The following NCF2 variants were observed in gnomAD, a reference collection of about 807,000 sequenced individuals.
NCF2 encodes the protein neutrophil cytosol factor 2.
NCF2 carries 45 observed loss-of-function variants against 70.9 expected under a neutral mutation model. The ratio of observed to expected loss-of-function variants is 0.63; its 90% CI spans 0.50 to 0.81. The LOEUF (loss-of-function observed/expected upper bound fraction) is 0.81, where lower values mean the gene tolerates loss of function less well. NCF2 is among the 40% of genes least tolerant of loss of function. The pLI is 0.00. For synonymous variants in NCF2, 203 were observed against 233.6 expected (o/e 0.87, Z 1.19); for missense variants, 522 against 631.6 (o/e 0.83, Z 1.86).
chr1:183,574,091 A>G (rs1287406095), intron 4 of NCF2, among the ~76,000 whole-genome samples: 1 of 152,260 alleles, frequency 6.6e-6, no homozygotes, highest in African/African-American at 2.4e-5. Flanking sequence ...CTCCATCTCA[A>G]AACAAAACAA....
intron 6 of NCF2, among the ~76,000 whole-genome samples, chr1:183,570,196 T>A (rs965126605): frequency 2.6e-5 from 4 of 152,218 alleles, no homozygotes; most frequent in African/African-American, 9.7e-5. Context: ...TAATGTGTTT[T>A]CCCCTCTTTC....
At chr1:183,559,622 G>T (rs1671949031) in intron 14 of NCF2, among the ~76,000 whole-genome samples, 1 of 152,176 alleles carries the variant, frequency 6.6e-6, no homozygotes, top group African/African-American at 2.4e-5. Context: ...ACTTTAGGAG[G>T]CCGAGGCAGT....
chr1:183,590,122 C>G (rs775879761), intron 1 of NCF2, 34 bp downstream of exon 1: 1 of 1,613,490 alleles, frequency 6.2e-7, no homozygotes, highest in Non-Finnish European at 8.5e-7. Context: ...AACAAATGCA[C>G]AGAGGAGGCC....
intron 2 of NCF2, among the ~76,000 whole-genome samples, chr1:183,581,206 C>T (rs1345742156): frequency 7.0e-6 from 1 of 143,192 alleles, no homozygotes; most frequent in Non-Finnish European, 1.5e-5. Context: ...CACCTGAGCC[C>T]AGGAAGTCAA....
chr1:183,572,373 G>A (rs1166439849), intron 5 of NCF2, among the ~76,000 whole-genome samples: 3 of 152,046 alleles, frequency 2.0e-5, no homozygotes, highest in Non-Finnish European at 2.9e-5. Flanking sequence ...TAGTAGAGAT[G>A]GGGTTTCACC....
chr1:183,599,444 T>TTCTTTCTTTCTTTCTTTCTTTC, the NCF2 span, among the ~76,000 whole-genome samples: 1 of 103,660 alleles, frequency 9.6e-6, no homozygotes, highest in African/African-American at 3.3e-5. Context: ...CTTTCTTTCT[T>TTCTTTCTTTCTTTCTTTCTTTC]TCTTTCTTTC....
chr1:183,573,426 C>A, intron 4 of NCF2, 134 bp from the exon 5 acceptor site: 2 of 869,438 alleles, frequency 2.3e-6, no homozygotes, highest in Admixed American at 1.9e-5. Flanking sequence ...TGAGTGTTGT[C>A]ATTCCTCTAG....
At chr1:183,574,713 C>T (rs1389017942) in intron 3 of NCF2, 92 bp from the exon 4 acceptor site, 6 of 1,488,702 alleles carry the variant, frequency 4.0e-6, no homozygotes, top group Non-Finnish European at 5.6e-6. Flanking sequence ...AGAATGTTGC[C>T]TGGTAGCCTT....
upstream of NCF2, among the ~76,000 whole-genome samples, chr1:183,592,910 C>T (rs1484931503): frequency 6.6e-6 from 1 of 152,132 alleles, no homozygotes; most frequent in Non-Finnish European, 1.5e-5. Context: ...CGTGCTAGTT[C>T]CTCTTTCTAG....
chr1:183,558,630 A>G (rs1671901578), intron 14 of NCF2, among the ~76,000 whole-genome samples: 1 of 151,686 alleles, frequency 6.6e-6, no homozygotes, highest in South Asian at 2.1e-4. Context: ...CAGTGGTGCA[A>G]TCTCGGCTCA....
chr1:183,561,300 G>A (rs762215620), intron 13 of NCF2, among the ~76,000 whole-genome samples: 1 of 152,136 alleles, frequency 6.6e-6, no homozygotes, highest in Non-Finnish European at 1.5e-5. Flanking sequence ...TTTGTTGAAC[G>A]TTGGTATATT....
At chr1:183,574,758 A>C in intron 3 of NCF2, 137 bp from the exon 4 acceptor site, 1 of 1,031,582 alleles carries the variant, frequency 9.7e-7, no homozygotes, top group Non-Finnish European at 1.5e-6. Flanking sequence ...AATATCTAAA[A>C]TATAGTGCAA....
At chr1:183,565,680 GGCT>G in intron 10 of NCF2, 21 bp downstream of exon 10, 3 of 1,609,254 alleles carry the variant, frequency 1.9e-6, no homozygotes, top group Non-Finnish European at 2.5e-6. Flanking sequence ...CCCAGACCTA[GGCT>G]GTGGCTCCAG....
chr1:183,588,219 C>T (rs1040338011), intron 1 of NCF2, among the ~76,000 whole-genome samples: 3 of 152,140 alleles, frequency 2.0e-5, no homozygotes, highest in African/African-American at 7.2e-5. Flanking sequence ...TCCTATCCAA[C>T]ACAACAGAGC....
At chr1:183,585,624 C>A (rs77340998) in intron 2 of NCF2, among the ~76,000 whole-genome samples, 29 of 114,574 alleles carry the variant, frequency 2.5e-4, no homozygotes, top group South Asian at 7.5e-4. Flanking sequence ...AACTCCGTCT[C>A]AAAAAAAAAA....
chr1:183,586,152 T>A (rs1230391076), intron 2 of NCF2, among the ~76,000 whole-genome samples: 1 of 152,134 alleles, frequency 6.6e-6, no homozygotes, highest in Non-Finnish European at 1.5e-5. Flanking sequence ...CTGACCAACA[T>A]GGAGAAACCC....
intron 14 of NCF2, among the ~76,000 whole-genome samples, chr1:183,557,363 G>C (rs902927535): frequency 2.6e-5 from 4 of 152,184 alleles, no homozygotes; most frequent in Non-Finnish European, 4.4e-5. Context: ...AGTTCCCTTA[G>C]GTAATTCTAA....
At position 183,556,030 on chromosome 1, in the gene NCF2, T is replaced by A; in HGVS notation, c.*88A>T. 1 of 1,058,852 alleles carries A rather than the reference T, an allele frequency of 9.4e-7. No homozygotes were observed. Among genetic ancestry groups the A allele is most frequent in the Non-Finnish European group, 1.5e-6 (1 of 678,138 alleles). 65.6% of individuals were successfully genotyped at this position (1,058,852 alleles called of 1,614,324 possible). A position where few individuals can be genotyped will look rare whatever the true frequency, so the allele number is the denominator to read the frequency against. On this transcript the variant is annotated 3_prime_UTR_variant, in exon 15 of 15. Transcript: ENST00000367535. Reference sequence around the variant, plus strand: ...GTTAACACTTCCAAACTGTAATGTCTCAGTACAGTATACAGCAGAAGGGTG... The same window carrying A: ...GTTAACACTTCCAAACTGTAATGTCACAGTACAGTATACAGCAGAAGGGTG...
rs1381794106 is a variant in NCF2 at position 183,564,043 on chromosome 1, A to AG, written c.1001-14dup. On this transcript the variant is annotated splice_polypyrimidine_tract_variant and intron_variant, in intron 10 of 14. Coordinates refer to ENST00000367535, the MANE Select transcript of NCF2 (RefSeq NM_000433.4). Reference sequence around the variant, plus strand: ...TTTTGTTTCTGGCCTGAATGGAAAAAGTAGGGAGTAAAACAAAAGAAGATG... The same window carrying AG: ...TTTTGTTTCTGGCCTGAATGGAAAAAGGTAGGGAGTAAAACAAAAGAAGATG... 1.9e-6 allele frequency: 3 copies of AG among 1,608,600 alleles called. No homozygotes were observed. The highest frequency in any genetic ancestry group is 2.6e-6 in the Non-Finnish European group (3 of 1,174,922).
Sources: allele counts gnomAD v4.1 joint callset (sites outside exome capture counted in the v4.1 genomes callset), GRCh38; gene constraint gnomAD v4.1.1; transcripts MANE v1.5; gene names NCBI Gene and HGNC (gene_info 2026-07-23, HGNC 2026-07-21).